PNPT1: variants seen among roughly 807,000 people sequenced by gnomAD.
PNPT1 encodes polyribonucleotide nucleotidyltransferase 1, also known as polyribonucleotide nucleotidyltransferase 1, mitochondrial.
Under a neutral mutation model 119.5 loss-of-function variants are expected in PNPT1, and 53 were observed. The observed-to-expected ratio is 0.44, with a 90% CI of 0.36 to 0.56. The LOEUF is 0.56. PNPT1 is among the 20% of genes least tolerant of loss of function. The probability of loss-of-function intolerance (pLI) is 0.00; values close to 1 mark genes in which losing one functional copy is unlikely to be tolerated. For missense variants in PNPT1, 948 were observed against 938.5 expected (o/e 1.01, Z -0.13); for synonymous variants, 357 against 322.1 (o/e 1.11, Z -1.16).
In PNPT1 at chr2:55,680,885, T is replaced by A. The variant is rs1697226714; in HGVS notation, c.487A>T (p.Asn163Tyr). The stretch of plus-strand genomic sequence containing the variant: ...TTAATTGCTAGGACATCAGGCTCAT[T>A]TACACCATCTACTGCTAACAGATTA... ...LCNLLAVDGV[N>Y]EPDVLAINGA... The change falls in exon 6 of 28, where the codon AAT (asparagine) becomes TAT (tyrosine). Residue 163 changes from asparagine (N) to tyrosine (Y), a missense_variant. Asn to Tyr is a moderately radical substitution (Grantham distance 143, BLOSUM62 -2). Transcript: ENST00000447944. 6.2e-7 allele frequency: 1 copy of A among 1,613,962 alleles called. No homozygotes were observed. Among genetic ancestry groups the A allele is most frequent in the African/African-American group, 1.3e-5 (1 of 74,922 alleles).
chr2:55,645,256 C>G (rs1401249375), intron 22 of PNPT1, 93 bp downstream of exon 22: 6 of 763,140 alleles, frequency 7.9e-6, no homozygotes, highest in Non-Finnish European at 1.3e-5. Flanking sequence ...GATCTCCTGA[C>G]CTTGTGATCC....
Position 55,667,029 on chromosome 2 carries a change from G to C in PNPT1, c.1138C>G (p.Leu380Val). ...VSCEVDMFKTLHGSALFQRGQ... is the reference protein window; with the variant it reads ...VSCEVDMFKTVHGSALFQRGQ... ...CTTTGAAATAATGCTGATCCATGAAGGGTTTTAAACATATCTACCTCACAA... is the reference window on the plus strand; with the variant it reads ...CTTTGAAATAATGCTGATCCATGAACGGTTTTAAACATATCTACCTCACAA... The change falls in exon 13 of 28, where the codon CTT becomes GTT. Residue 380 changes from leucine (L) to valine (V), a missense_variant. Physicochemically the swap from Leu to Val is conservative, Grantham distance 32. Transcript: ENST00000447944. The C allele has an allele frequency of 6.2e-7, 1 of 1,605,532 alleles. No individual in the cohort carries two copies. Among genetic ancestry groups the C allele is most frequent in the South Asian group, 1.1e-5 (1 of 89,478 alleles).
intron 14 of PNPT1, among the ~76,000 whole-genome samples, chr2:55,660,946 G>T (rs971917741): frequency 6.6e-6 from 1 of 152,106 alleles, no homozygotes; most frequent in African/African-American, 2.4e-5. Context: ...TGGGCATCAG[G>T]AAAAGGAGGG....
chr2:55,657,877 A>AGGG (rs1696438183), intron 15 of PNPT1, among the ~76,000 whole-genome samples: 1 of 73,824 alleles, frequency 1.4e-5, no homozygotes, highest in Non-Finnish European at 2.4e-5. Context: ...AAAAAAAAAA[A>AGGG]AAAAAAAAAA....
chr2:55,640,774 ATTG>A, intron 25 of PNPT1, 69 bp from the exon 26 acceptor site: 1 of 1,064,152 alleles, frequency 9.4e-7, no homozygotes, highest in South Asian at 1.4e-5. Flanking sequence ...CAAATAAAAC[ATTG>A]TTTTCATATG....
intron 21 of PNPT1, among the ~76,000 whole-genome samples, chr2:55,645,720 G>A (rs1695976432): frequency 6.6e-6 from 1 of 152,092 alleles, no homozygotes; most frequent in South Asian, 2.1e-4. Flanking sequence ...AATAGATATG[G>A]GATCTCACTA....
At chr2:55,676,449 A>AGT (rs1697074945) in intron 8 of PNPT1, among the ~76,000 whole-genome samples, 1 of 152,188 alleles carries the variant, frequency 6.6e-6, no homozygotes, top group Non-Finnish European at 1.5e-5. Flanking sequence ...TAGTGATATT[A>AGT]AATATACCAG....
intron 22 of PNPT1, chr2:55,644,938 T>A (rs938048331): frequency 2.4e-6 from 1 of 410,550 alleles, no homozygotes; most frequent in Admixed American, 4.1e-5. Context: ...TTAAAATATT[T>A]TCGTTTTGTG....
intron 1 of PNPT1, among the ~76,000 whole-genome samples, chr2:55,691,863 TATATATA>T (rs1559116572): frequency 4.1e-4 from 14 of 34,304 alleles, no homozygotes; most frequent in Admixed American, 8.8e-4. Flanking sequence ...TATATATATA[TATATATA>T]TATATATATT....
At chr2:55,645,095 C>T (rs1391088408) in intron 22 of PNPT1, 1 of 278,238 alleles carries the variant, frequency 3.6e-6, no homozygotes, top group Non-Finnish European at 6.6e-6. Context: ...GCGATCTCGG[C>T]TCACTGCAAG....
chr2:55,654,128 G>C (rs932899474), intron 18 of PNPT1, among the ~76,000 whole-genome samples: 1 of 151,938 alleles, frequency 6.6e-6, no homozygotes, highest in Admixed American at 6.6e-5. Context: ...GTGGTAGCAC[G>C]CACCTGTAAT....
chr2:55,665,477 A>ACC (rs1449444800), intron 13 of PNPT1, among the ~76,000 whole-genome samples: 1 of 152,228 alleles, frequency 6.6e-6, no homozygotes, highest in Non-Finnish European at 1.5e-5. Flanking sequence ...AAAGTTTGTT[A>ACC]CCAAAAGGAA....
At chr2:55,673,876 C>T (rs1027469611) in intron 8 of PNPT1, among the ~76,000 whole-genome samples, 2 of 152,290 alleles carry the variant, frequency 1.3e-5, no homozygotes, top group East Asian at 3.9e-4. Flanking sequence ...GCGTGAGCCA[C>T]TACATCCAGC....
chr2:55,663,331 C>T lies in PNPT1; in HGVS notation c.1177-1305G>A, dbSNP rs532777467. Among the ~76,000 whole-genome samples the T allele has an allele frequency of 3.3e-5, 5 of 152,178 alleles. 1 individual carries two copies. Among genetic ancestry groups the T allele is most frequent in the African/African-American group, 7.2e-5 (3 of 41,512 alleles). On this transcript the variant is annotated intron_variant, in intron 13 of 27. Coordinates refer to ENST00000447944, the MANE Select transcript of PNPT1 (RefSeq NM_033109.5). The stretch of plus-strand genomic sequence containing the variant: ...CATGAAGATGAATGAACAGAAATTG[C>T]CCAATTTGCAGAAGAGAGGAAAGAG...
chr2:55,644,728 G>C lies in PNPT1; in HGVS notation c.1823-8C>G. 1.3e-6 allele frequency: 2 copies of C among 1,590,162 alleles called. No individual in the cohort carries two copies. Among genetic ancestry groups the C allele is most frequent in the Non-Finnish European group, 1.7e-6 (2 of 1,160,334 alleles). Reference sequence around the variant, plus strand: ...ATGGAACCTGAACAGTTTCTGGAACGTAATACAGACAAATATATAAACAAT... The same window carrying C: ...ATGGAACCTGAACAGTTTCTGGAACCTAATACAGACAAATATATAAACAAT... On this transcript the variant is annotated splice_region_variant and splice_polypyrimidine_tract_variant and intron_variant, in intron 22 of 27. Coordinates refer to ENST00000447944, the MANE Select transcript of PNPT1 (RefSeq NM_033109.5).
chr2:55,645,404 C>T lies in PNPT1; in HGVS notation c.1767G>A (p.Met589Ile), dbSNP rs1485878239. 6.2e-7 allele frequency: 1 copy of T among 1,611,640 alleles called. No homozygotes were observed. The highest frequency in any genetic ancestry group is 8.5e-7 in the Non-Finnish European group (1 of 1,178,118). Reference sequence around the variant, plus strand: ...CTCGAGGTTTTGAAATAGTTTTGTTCATGATCTGTAATATCTCCTTTTTTG... The same window carrying T: ...CTCGAGGTTTTGAAATAGTTTTGTTTATGATCTGTAATATCTCCTTTTTTG... Reference protein sequence around the residue: ...SVAKKEILQIMNKTISKPRAS... With the variant: ...SVAKKEILQIINKTISKPRAS... The change falls in exon 22 of 28, where the codon ATG becomes ATA. Residue 589 changes from methionine to isoleucine, a missense_variant. By Grantham distance (10) the Met-to-Ile change is conservative. Coordinates refer to ENST00000447944, the MANE Select transcript of PNPT1 (RefSeq NM_033109.5).
rs774998892 is a variant in PNPT1, at chr2:55,673,007, T to C, written c.752A>G (p.Tyr251Cys). Reference sequence around the variant, plus strand: ...AATGCCCTGAATTATTTGTTGGGTATATTTCACTCCCACTTTGATAGCATG... The same window carrying C: ...AATGCCCTGAATTATTTGTTGGGTACATTTCACTCCCACTTTGATAGCATG... Reference protein sequence around the residue: ...FCHAIKVGVKYTQQIIQGIQQ... With the variant: ...FCHAIKVGVKCTQQIIQGIQQ... The change falls in exon 9 of 28, where the codon TAT (tyrosine) becomes TGT (cysteine). Residue 251 changes from tyrosine (Y) to cysteine (C), a missense_variant. Transcript: ENST00000447944. 2 of 1,613,342 alleles carry C rather than the reference T, an allele frequency of 1.2e-6. No homozygotes were observed. The highest frequency in any genetic ancestry group is 1.7e-6 in the Non-Finnish European group (2 of 1,179,934).
In PNPT1 at chr2:55,684,400, G is replaced by T. The variant is rs556877220; in HGVS notation, c.403+543C>A. Among the ~76,000 whole-genome samples the T allele has an allele frequency of 2.0e-5, 3 of 152,226 alleles. No individual in the cohort carries two copies. The South Asian group carries it at 6.2e-4, about 32-fold the overall frequency. On this transcript the variant is annotated intron_variant, in intron 4 of 27. Coordinates refer to ENST00000447944, the MANE Select transcript of PNPT1 (RefSeq NM_033109.5). ...AATCACTTGAACCCGGGAGGTAGAG[G>T]TTGCAGTGAGCCGAGATCGTGCCAC...
At chr2:55,689,815 T>G (rs1053839017) in intron 1 of PNPT1, among the ~76,000 whole-genome samples, 9 of 152,150 alleles carry the variant, frequency 5.9e-5, no homozygotes, top group Non-Finnish European at 1.0e-4. Context: ...ACTGTACACT[T>G]TATTTATCTG....
Sources: gnomAD v4.1 joint callset for allele counts (sites outside exome capture counted in the v4.1 genomes callset) on GRCh38, gnomAD v4.1.1 for gene constraint, MANE v1.5 for transcripts, NCBI Gene and HGNC (gene_info 2026-07-23, HGNC 2026-07-21) for gene names.